AATF: variants seen among roughly 807,000 people sequenced by gnomAD.
The protein encoded by AATF is protein AATF.
Under a neutral mutation model 63.7 loss-of-function variants are expected in AATF, and 48 were observed. That is an observed-to-expected ratio of 0.75 (90% CI 0.60 to 0.96). AATF has a LOEUF of 0.96. AATF is among the 40% of genes least tolerant of loss of function. The probability of loss-of-function intolerance (pLI) is 0.00; values close to 1 mark genes in which losing one functional copy is unlikely to be tolerated. For missense variants in AATF, 639 were observed against 685.7 expected (o/e 0.93, Z 0.76); for synonymous variants, 258 against 247.7 (o/e 1.04, Z -0.39).
chr17:37,004,107 A>C (rs1049668819), intron 8 of AATF, among the ~76,000 whole-genome samples: 2 of 152,046 alleles, frequency 1.3e-5, no homozygotes, highest in African/African-American at 4.8e-5. Context: ...AGGCAGGTGG[A>C]TCACTTGAGG....
chr17:36,953,621 T>C, intron 3 of AATF, 149 bp from the exon 4 acceptor site: 2 of 796,986 alleles, frequency 2.5e-6, no homozygotes, highest in South Asian at 1.9e-5. Flanking sequence ...TTATTTTCTC[T>C]AATAGAGAAT....
At chr17:36,954,018 A>G in intron 4 of AATF, 111 bp downstream of exon 4, 1 of 1,163,756 alleles carries the variant, frequency 8.6e-7, no homozygotes, top group Non-Finnish European at 1.2e-6. Flanking sequence ...CTTTCTTCTC[A>G]TCTGCCCTTG....
chr17:36,956,639 C>T (rs1203721725), intron 4 of AATF, among the ~76,000 whole-genome samples: 1 of 147,380 alleles, frequency 6.8e-6, no homozygotes, highest in Non-Finnish European at 1.5e-5. Context: ...TGCCATTGCA[C>T]TCCAGCCTGG....
chr17:37,036,714 C>T (rs757569388), intron 11 of AATF, among the ~76,000 whole-genome samples: 3 of 151,960 alleles, frequency 2.0e-5, no homozygotes, highest in African/African-American at 7.3e-5. Context: ...TGATTTAATG[C>T]TTTCGGATCT....
chr17:37,004,200 G>A lies in AATF; in HGVS notation c.1398+13343G>A, dbSNP rs1190933134. ...CAAAAAATTAGCCAGGCGTGGTGGC[G>A]GACGCCTGTAATCCCAGCTACTTGG... On this transcript the variant is annotated intron_variant, in intron 8 of 11. Transcript: ENST00000619387. Among the ~76,000 whole-genome samples, 9 of 151,748 alleles carry A rather than the reference G, an allele frequency of 5.9e-5. No individual in the cohort carries two copies. In the Middle Eastern group the frequency reaches 0.01, roughly 174 times the overall value.
intron 4 of AATF, among the ~76,000 whole-genome samples, chr17:36,964,722 G>T (rs1273617584): frequency 1.3e-5 from 2 of 151,820 alleles, no homozygotes; most frequent in Admixed American, 6.6e-5. Context: ...TTTTCAGTTC[G>T]CTTCCTATTT....
chr17:36,968,879 C>T (rs2071017316), intron 4 of AATF, among the ~76,000 whole-genome samples: 1 of 152,212 alleles, frequency 6.6e-6, no homozygotes, highest in Non-Finnish European at 1.5e-5. Flanking sequence ...CCTTCTGCCT[C>T]AGCCTCCCAA....
At chr17:37,004,941 A>G (rs528038249) in intron 8 of AATF, among the ~76,000 whole-genome samples, 36 of 152,338 alleles carry the variant, frequency 2.4e-4, no homozygotes, top group African/African-American at 8.4e-4. Flanking sequence ...ACCGAAGTAC[A>G]GGGAAATAAT....
chr17:36,964,545 G>A (rs1461585026), intron 4 of AATF, among the ~76,000 whole-genome samples: 2 of 152,136 alleles, frequency 1.3e-5, no homozygotes, highest in African/African-American at 4.8e-5. Flanking sequence ...TGCATTTACA[G>A]TGTATTACCA....
At chr17:36,954,528 C>T (rs1190841509) in intron 4 of AATF, among the ~76,000 whole-genome samples, 1 of 152,120 alleles carries the variant, frequency 6.6e-6, no homozygotes, top group Non-Finnish European at 1.5e-5. Flanking sequence ...GTTTTTAGAA[C>T]AATGTGCTAA....
At chr17:37,045,282 C>T (rs1324979167) in intron 11 of AATF, among the ~76,000 whole-genome samples, 1 of 152,228 alleles carries the variant, frequency 6.6e-6, no homozygotes, top group African/African-American at 2.4e-5. Flanking sequence ...TGGGCACCTC[C>T]ACTTACGTGG....
At chr17:36,984,174 CG>C (rs2071149095) in intron 4 of AATF, among the ~76,000 whole-genome samples, 1 of 152,114 alleles carries the variant, frequency 6.6e-6, no homozygotes, top group Admixed American at 6.5e-5. Flanking sequence ...ATATGAATGT[CG>C]GGATTGTTGA....
chr17:36,984,776 T>G (rs548176466), intron 4 of AATF, among the ~76,000 whole-genome samples: 13 of 151,948 alleles, frequency 8.6e-5, no homozygotes, highest in African/African-American at 2.9e-4. Flanking sequence ...GTTGGGACTA[T>G]AGTGCGCACC....
chr17:36,969,342 A>G (rs923016498), intron 4 of AATF, among the ~76,000 whole-genome samples: 1 of 152,156 alleles, frequency 6.6e-6, no homozygotes, highest in Non-Finnish European at 1.5e-5. Flanking sequence ...CCTGTTTTCA[A>G]TATTATGCCT....
At chr17:37,009,299 T>TG (rs2071366125) in intron 8 of AATF, among the ~76,000 whole-genome samples, 1 of 76,734 alleles carries the variant, frequency 1.3e-5, no homozygotes, top group Admixed American at 1.1e-4. Flanking sequence ...GCCCGGCTAA[T>TG]TTTTTTTTTT....
chr17:37,042,480 T>TTA (rs1333602699), intron 11 of AATF, among the ~76,000 whole-genome samples: 1 of 151,746 alleles, frequency 6.6e-6, no homozygotes, highest in African/African-American at 2.4e-5. Flanking sequence ...AGTAGCCCAA[T>TTA]TATAGCTCAC....
chr17:37,038,955 G>T (rs997373088), intron 11 of AATF, among the ~76,000 whole-genome samples: 2 of 152,104 alleles, frequency 1.3e-5, no homozygotes, highest in Admixed American at 6.6e-5. Context: ...GAGATGCCCT[G>T]GTATAATAGA....
At chr17:36,970,534 CTTTT>C (rs796201918) in intron 4 of AATF, among the ~76,000 whole-genome samples, 1 of 125,694 alleles carries the variant, frequency 8.0e-6, no homozygotes, top group Non-Finnish European at 1.5e-5. Flanking sequence ...TTCTTTCTTT[CTTTT>C]TTCTTTTTTT....
chr17:36,979,277 G>A (rs535928355), intron 4 of AATF, among the ~76,000 whole-genome samples: 5 of 152,268 alleles, frequency 3.3e-5, no homozygotes, highest in African/African-American at 1.2e-4. Context: ...AGTGGAATCG[G>A]TGTTTTTTAA....
Sources: gnomAD v4.1 joint callset for allele counts (sites outside exome capture counted in the v4.1 genomes callset) on GRCh38, gnomAD v4.1.1 for gene constraint, MANE v1.5 for transcripts, NCBI Gene and HGNC (gene_info 2026-07-23, HGNC 2026-07-21) for gene names.